The following LAMTOR2 variants were observed in gnomAD, a reference collection of about 807,000 sequenced individuals.
LAMTOR2 encodes late endosomal/lysosomal adaptor, MAPK and MTOR activator 2, also known as ragulator complex protein LAMTOR2.
Under a neutral mutation model 15.8 loss-of-function variants are expected in LAMTOR2, and 4 were observed. That is an observed-to-expected ratio of 0.25 (90% CI 0.12 to 0.58). The LOEUF is 0.58. LAMTOR2 is among the 20% of genes least tolerant of loss of function. The pLI, the probability that LAMTOR2 is intolerant of heterozygous loss-of-function variation, is 0.91. For synonymous variants in LAMTOR2, 62 were observed against 64.1 expected (o/e 0.97, Z 0.15); for missense variants, 100 against 161.0 (o/e 0.62, Z 2.05).
intron 2 of LAMTOR2, among the ~76,000 whole-genome samples, chr1:156,056,762 TC>T: frequency 6.6e-6 from 1 of 152,248 alleles, no homozygotes; most frequent in South Asian, 2.1e-4. Context: ...CTGCCTACTC[TC>T]CCCTACCCCC....
Position 156,054,846 on chromosome 1 carries a change from C to T in LAMTOR2, c.-44C>T. On this transcript the variant is annotated 5_prime_UTR_variant, in exon 1 of 4. Coordinates refer to ENST00000368305, the MANE Select transcript of LAMTOR2 (RefSeq NM_014017.4). ...GCGGGCAGCGGCCCGCGGGAGGCAC[C>T]TCGGAGATCTGGGTGCAAAAGCCCA... 6.2e-7 allele frequency: 1 copy of T among 1,602,582 alleles called. No individual in the cohort carries two copies. The highest frequency in any genetic ancestry group is 1.1e-5 in the South Asian group (1 of 90,232).
chr1:156,055,338 A>G lies in LAMTOR2; in HGVS notation c.144A>G (p.Ile48Met). The G allele has an allele frequency of 6.2e-7, 1 of 1,614,220 alleles. No homozygotes were observed. Among genetic ancestry groups the G allele is most frequent in the Non-Finnish European group, 8.5e-7 (1 of 1,180,042 alleles). Reference sequence around the variant, plus strand: ...CTGACGCCCGGGTCACCGCTGCCATAGCCAGTAACATCTGGGCCGCCTACG... The same window carrying G: ...CTGACGCCCGGGTCACCGCTGCCATGGCCAGTAACATCTGGGCCGCCTACG... ...GDTDARVTAAIASNIWAAYDR... is the reference protein window; with the variant it reads ...GDTDARVTAAMASNIWAAYDR... The change falls in exon 2 of 4, where the codon ATA becomes ATG. Residue 48 changes from isoleucine to methionine, a missense_variant. Ile to Met is a conservative substitution (Grantham distance 10). Coordinates refer to ENST00000368305, the MANE Select transcript of LAMTOR2 (RefSeq NM_014017.4). The surrounding 1 kb of genome is among the most constrained non-coding windows in gnomAD (Gnocchi z 4.8).
chr1:156,057,824 G>A (rs1266501975), intron 2 of LAMTOR2, among the ~76,000 whole-genome samples, 154 bp from the exon 3 acceptor site: 1 of 152,188 alleles, frequency 6.6e-6, no homozygotes, highest in African/African-American at 2.4e-5. Flanking sequence ...CCCATGTTCA[G>A]GGCTGTGGCC....
At position 156,055,537 on chromosome 1, in the gene LAMTOR2, A is replaced by T. The variant is rs1647321755; in HGVS notation, c.231+112A>T. On this transcript the variant is annotated intron_variant, in intron 2 of 3. Coordinates refer to ENST00000368305, the MANE Select transcript of LAMTOR2 (RefSeq NM_014017.4). The surrounding 1 kb of genome is among the most constrained non-coding windows in gnomAD (Gnocchi z 4.8). ...GCAGGGACAGGATCTCCGGAAGATT[A>T]CTAAGAGTTGGTCTGCAGCAGCATT... 1.2e-5 allele frequency: 15 copies of T among 1,255,298 alleles called. No homozygotes were observed. The highest frequency in any genetic ancestry group is 1.6e-5 in the Non-Finnish European group (14 of 866,182). The allele number at this position is 1,255,298 out of a possible 1,614,324, so 77.8% of individuals were successfully genotyped here. A position where few individuals can be genotyped will look rare whatever the true frequency, so the allele number is the denominator to read the frequency against.
At chr1:156,055,000 G>A (rs990051777) in intron 1 of LAMTOR2, 43 bp downstream of exon 1, 4 of 1,579,344 alleles carry the variant, frequency 2.5e-6, no homozygotes, top group Middle Eastern at 2.0e-4. Flanking sequence ...GCTGCAGTGG[G>A]GCGGCGCGCG....
In LAMTOR2 at chr1:156,055,575, G is replaced by A; in HGVS notation, c.231+150G>A. ...CTGCAGCAGCATTTGTAATAGGCAG[G>A]ACCCTATTCATCAAGTGGTGGTGAG... On this transcript the variant is annotated intron_variant, in intron 2 of 3. Coordinates refer to ENST00000368305, the MANE Select transcript of LAMTOR2 (RefSeq NM_014017.4). This position sits in a 1 kb window ranked among gnomAD's most constrained non-coding sequence, Gnocchi z 4.8. 1 of 842,466 alleles carries A rather than the reference G, an allele frequency of 1.2e-6. No individual in the cohort carries two copies. The highest frequency in any genetic ancestry group is 2.1e-5 in the Admixed American group (1 of 46,706). 52.2% of individuals were successfully genotyped at this position (842,466 alleles called of 1,614,324 possible).
Position 156,055,179 on chromosome 1 carries a change from G to A in LAMTOR2, c.69-84G>A. 2.5e-6 allele frequency: 4 copies of A among 1,569,146 alleles called. No homozygotes were observed. The highest frequency in any genetic ancestry group is 2.2e-5 in the East Asian group (1 of 44,628). The stretch of plus-strand genomic sequence containing the variant: ...CTCAGGCCAGAGCCTTGCTGGATGT[G>A]CCCTTGGTGGGACTTGGGATGGAAA... On this transcript the variant is annotated intron_variant, in intron 1 of 3. Coordinates refer to ENST00000368305, the MANE Select transcript of LAMTOR2 (RefSeq NM_014017.4). The surrounding 1 kb of genome is among the most constrained non-coding windows in gnomAD (Gnocchi z 4.8).
At chr1:156,058,171 C>A in intron 3 of LAMTOR2, 104 bp downstream of exon 3, 1 of 1,490,998 alleles carries the variant, frequency 6.7e-7, no homozygotes, top group East Asian at 2.3e-5. Context: ...CATGTCTACT[C>A]AGTCCATTTC....
chr1:156,055,575 G>C lies in LAMTOR2; in HGVS notation c.231+150G>C, dbSNP rs994781814. On this transcript the variant is annotated intron_variant, in intron 2 of 3. Transcript: ENST00000368305. This position sits in a 1 kb window ranked among gnomAD's most constrained non-coding sequence, Gnocchi z 4.8. ...CTGCAGCAGCATTTGTAATAGGCAG[G>C]ACCCTATTCATCAAGTGGTGGTGAG... 2 of 842,466 alleles carry C rather than the reference G, an allele frequency of 2.4e-6. No individual in the cohort carries two copies. Among genetic ancestry groups the C allele is most frequent in the Non-Finnish European group, 3.8e-6 (2 of 525,846 alleles). The allele number at this position is 842,466 out of a possible 1,614,324, so 52.2% of individuals were successfully genotyped here.
chr1:156,054,819 C>G lies in LAMTOR2; in HGVS notation c.-71C>G. 1 of 1,497,384 alleles carries G rather than the reference C, an allele frequency of 6.7e-7. No homozygotes were observed. Among genetic ancestry groups the G allele is most frequent in the Non-Finnish European group, 9.2e-7 (1 of 1,083,108 alleles). The allele number at this position is 1,497,384 out of a possible 1,614,324, so 92.8% of individuals were successfully genotyped here. A position where few individuals can be genotyped will look rare whatever the true frequency, so the allele number is the denominator to read the frequency against. ...AGCAGGCCAACGGGACTACGGGAAG[C>G]AGCGGGCAGCGGCCCGCGGGAGGCA... On this transcript the variant is annotated 5_prime_UTR_variant, in exon 1 of 4. Transcript: ENST00000368305.
chr1:156,058,159 C>T (rs1647434853), intron 3 of LAMTOR2, 92 bp downstream of exon 3: 2 of 1,491,656 alleles, frequency 1.3e-6, no homozygotes, highest in Non-Finnish European at 1.9e-6. Flanking sequence ...TTCTAGAGTT[C>T]TCATGTCTAC....
chr1:156,058,019 G>A lies in LAMTOR2; in HGVS notation c.273G>A (p.Leu91=), dbSNP rs997566961. ...TCACCCGAGTGGCCAACCTTCTGCTGTGTATGTATGCCAAGGAGACCGTGG... is the reference window on the plus strand; with the variant it reads ...TCACCCGAGTGGCCAACCTTCTGCTATGTATGTATGCCAAGGAGACCGTGG... ...VAITRVANLL[L]CMYAKETVGF... Residue 91 remains leucine, a synonymous_variant, in exon 3 of 4, where the codon CTG becomes CTA. Coordinates refer to ENST00000368305, the MANE Select transcript of LAMTOR2 (RefSeq NM_014017.4). The A allele has an allele frequency of 3.7e-6, 6 of 1,614,046 alleles. No individual in the cohort carries two copies. In the Admixed American group the frequency reaches 1.0e-4, roughly 27 times the overall value.
rs2102763089 is a variant in LAMTOR2, at chr1:156,054,817, A to AGCAGCGG, written c.-65_-59dup. The stretch of plus-strand genomic sequence containing the variant: ...GGAGCAGGCCAACGGGACTACGGGA[A>AGCAGCGG]GCAGCGGGCAGCGGCCCGCGGGAGG... On this transcript the variant is annotated 5_prime_UTR_variant, in exon 1 of 4. Coordinates refer to ENST00000368305, the MANE Select transcript of LAMTOR2 (RefSeq NM_014017.4). 1.4e-6 allele frequency: 2 copies of AGCAGCGG among 1,471,446 alleles called. No individual in the cohort carries two copies. Among genetic ancestry groups the AGCAGCGG allele is most frequent in the South Asian group, 2.3e-5 (2 of 86,076 alleles). The allele number at this position is 1,471,446 out of a possible 1,614,324, so 91.1% of individuals were successfully genotyped here.
At chr1:156,056,765 C>T (rs1052723999) in intron 2 of LAMTOR2, among the ~76,000 whole-genome samples, 1 of 152,156 alleles carries the variant, frequency 6.6e-6, no homozygotes, top group African/African-American at 2.4e-5. Context: ...CCTACTCTCC[C>T]CTACCCCCTG....
In LAMTOR2 at chr1:156,054,835, G is replaced by A; in HGVS notation, c.-55G>A. Reference sequence around the variant, plus strand: ...TACGGGAAGCAGCGGGCAGCGGCCCGCGGGAGGCACCTCGGAGATCTGGGT... The same window carrying A: ...TACGGGAAGCAGCGGGCAGCGGCCCACGGGAGGCACCTCGGAGATCTGGGT... On this transcript the variant is annotated 5_prime_UTR_variant, in exon 1 of 4. Coordinates refer to ENST00000368305, the MANE Select transcript of LAMTOR2 (RefSeq NM_014017.4). 1 of 1,579,528 alleles carries A rather than the reference G, an allele frequency of 6.3e-7. No individual in the cohort carries two copies. Among genetic ancestry groups the A allele is most frequent in the East Asian group, 2.3e-5 (1 of 44,060 alleles).
chr1:156,058,414 T>G lies in LAMTOR2; in HGVS notation c.*43T>G. 1 of 1,609,784 alleles carries G rather than the reference T, an allele frequency of 6.2e-7. No individual in the cohort carries two copies. Among genetic ancestry groups the G allele is most frequent in the Non-Finnish European group, 8.5e-7 (1 of 1,176,166 alleles). ...GGGGTCAGAAAAGAGAAATGACCAT[T>G]TGGAGGGGCGGGGCCTCCTAGAAGA... On this transcript the variant is annotated 3_prime_UTR_variant, in exon 4 of 4. Coordinates refer to ENST00000368305, the MANE Select transcript of LAMTOR2 (RefSeq NM_014017.4).
intron 2 of LAMTOR2, among the ~76,000 whole-genome samples, chr1:156,056,318 G>C (rs1647363943): frequency 6.6e-6 from 1 of 152,128 alleles, no homozygotes; most frequent in Non-Finnish European, 1.5e-5. Context: ...TTTAAAATAA[G>C]TAAAATATAT....
chr1:156,057,501 CCTT>C (rs56060063), intron 2 of LAMTOR2, among the ~76,000 whole-genome samples: 44,403 of 151,718 alleles, frequency 0.29, 7,892 homozygotes, highest in East Asian at 0.84. Context: ...TGCTGATCAA[CCTT>C]CTTAATTTAT....
intron 2 of LAMTOR2, among the ~76,000 whole-genome samples, chr1:156,057,536 C>G (rs2102765342): frequency 6.6e-6 from 1 of 152,156 alleles, no homozygotes; most frequent in Admixed American, 6.5e-5. Flanking sequence ...GGGGTCAAAT[C>G]TGCAATTTGA....
Sources: allele counts gnomAD v4.1 joint callset (sites outside exome capture counted in the v4.1 genomes callset), GRCh38; gene constraint gnomAD v4.1.1; non-coding constraint Gnocchi (gnomAD v3.1); transcripts MANE v1.5; gene names NCBI Gene and HGNC (gene_info 2026-07-23, HGNC 2026-07-21).